ZNF317: variants seen among roughly 807,000 people sequenced by gnomAD.
The protein encoded by ZNF317 is zinc finger protein 317.
In ZNF317, 17 loss-of-function variants were observed where a neutral mutation model predicts 23.4. The observed-to-expected ratio is 0.73, with a 90% CI of 0.50 to 1.09. ZNF317 has a LOEUF of 1.09. Ranked by LOEUF, ZNF317 falls within the 50% of genes least tolerant of loss-of-function variation. The probability of loss-of-function intolerance (pLI) is 0.00; values close to 1 mark genes in which losing one functional copy is unlikely to be tolerated. For missense variants in ZNF317, 679 were observed against 796.7 expected, an observed-to-expected ratio of 0.85 and a Z score of 1.78; for synonymous variants, 317 against 314.9, an observed-to-expected ratio of 1.01 and a Z score of -0.07.
chr19:9,150,118 T>C (rs970539251), intron 1 of ZNF317, among the ~76,000 whole-genome samples: 1 of 152,084 alleles, frequency 6.6e-6, no homozygotes, highest in Non-Finnish European at 1.5e-5. Flanking sequence ...TTGTAGGTGT[T>C]TAATGTGGGA....
chr19:9,156,168 G>T (rs2050780388), intron 2 of ZNF317, 127 bp downstream of exon 2: 11 of 1,243,832 alleles, frequency 8.8e-6, no homozygotes. Flanking sequence ...AAAAGGGGTG[G>T]GAACAGAGCC....
At position 9,161,609 on chromosome 19, in the gene ZNF317, T is replaced by G; in HGVS notation, c.*176T>G. 1.1e-6 allele frequency: 1 copy of G among 915,800 alleles called. No homozygotes were observed. Among genetic ancestry groups the G allele is most frequent in the Non-Finnish European group, 1.6e-6 (1 of 624,974 alleles). The allele number at this position is 915,800 out of a possible 1,614,324, so 56.7% of individuals were successfully genotyped here. On this transcript the variant is annotated 3_prime_UTR_variant, in exon 7 of 7. Coordinates refer to ENST00000247956, the MANE Select transcript of ZNF317 (RefSeq NM_020933.5). This position sits in a 1 kb window ranked among gnomAD's most constrained non-coding sequence, Gnocchi z 4.0. ...AGGCGTTCTCATCCCATAGGAGGTT[T>G]GTGAGAACTCACGCCGGGGGTGAAA...
At position 9,158,812 on chromosome 19, in the gene ZNF317, C is replaced by G. The variant is rs779556125; in HGVS notation, c.386-14C>G. 2 of 1,558,358 alleles carry G rather than the reference C, an allele frequency of 1.3e-6. No homozygotes were observed. Among genetic ancestry groups the G allele is most frequent in the South Asian group, 2.2e-5 (2 of 89,806 alleles). On this transcript the variant is annotated splice_polypyrimidine_tract_variant and intron_variant, in intron 5 of 6. Coordinates refer to ENST00000247956, the MANE Select transcript of ZNF317 (RefSeq NM_020933.5). Reference sequence around the variant, plus strand: ...TCCTTTTCCAACAATTAATACTTTTCCAATTTGTTTCAGATTGGGAGACTC... The same window carrying G: ...TCCTTTTCCAACAATTAATACTTTTGCAATTTGTTTCAGATTGGGAGACTC...
chr19:9,155,891 T>C (rs2050777073), intron 1 of ZNF317, 34 bp from the exon 2 acceptor site: 11 of 1,218,268 alleles, frequency 9.0e-6, no homozygotes, highest in Non-Finnish European at 1.2e-5. Flanking sequence ...CAGATAGCCT[T>C]TCACTACTCC....
In ZNF317 at chr19:9,156,034, C is replaced by A; in HGVS notation, c.18C>A (p.Pro6=). The A allele has an allele frequency of 6.2e-7, 1 of 1,614,150 alleles. No homozygotes were observed. The highest frequency in any genetic ancestry group is 8.5e-7 in the Non-Finnish European group (1 of 1,180,018). The part of the protein sequence containing the change: MAALS[P]TFATSTQDST... Reference sequence around the variant, plus strand: ...CTCTGAGGATGGCAGCTCTGTCCCCCACATTTGGTAAGTTCTTGGGTCAGT... The same window carrying A: ...CTCTGAGGATGGCAGCTCTGTCCCCAACATTTGGTAAGTTCTTGGGTCAGT... Residue 6 remains proline, a synonymous_variant, in exon 2 of 7, where the codon CCC becomes CCA. Transcript: ENST00000247956.
chr19:9,146,429 CTT>C (rs59017993), intron 1 of ZNF317, among the ~76,000 whole-genome samples: 5 of 137,290 alleles, frequency 3.6e-5, no homozygotes, highest in Non-Finnish European at 7.8e-5. Flanking sequence ...TACTTTTTTT[CTT>C]TTTTTTTTTT....
chr19:9,158,034 C>T lies in ZNF317; in HGVS notation c.344C>T (p.Pro115Leu), dbSNP rs776493847. Reference sequence around the variant, plus strand: ...TCACACTTGGAGCAGGAGGAGGAGCCGAGGACAGAGGAGAGGGGCGCTCAC... The same window carrying T: ...TCACACTTGGAGCAGGAGGAGGAGCTGAGGACAGAGGAGAGGGGCGCTCAC... ...LISHLEQEEEPRTEERGAHQG... is the reference protein window; with the variant it reads ...LISHLEQEEELRTEERGAHQG... Residue 115 changes from proline to leucine, a missense_variant, in exon 5 of 7, where the codon CCG (proline) becomes CTG (leucine). Physicochemically the swap from Pro to Leu is moderately conservative, Grantham distance 98. Transcript: ENST00000247956. 10 of 1,551,352 alleles carry T rather than the reference C, an allele frequency of 6.4e-6. No individual in the cohort carries two copies. The highest frequency in any genetic ancestry group is 2.4e-5 in the South Asian group (2 of 84,040).
chr19:9,148,335 A>G (rs961857290), intron 1 of ZNF317, among the ~76,000 whole-genome samples: 11 of 152,204 alleles, frequency 7.2e-5, no homozygotes, highest in African/African-American at 2.4e-4. Context: ...CATCGTTGCA[A>G]AACATCGACA....
At chr19:9,157,169 G>C (rs2050792625) in intron 3 of ZNF317, 99 bp from the exon 4 acceptor site, 1 of 1,473,062 alleles carries the variant, frequency 6.8e-7, no homozygotes, top group Admixed American at 2.0e-5. Context: ...TGGAAATCCT[G>C]TGTTGGGTCT....
intron 1 of ZNF317, among the ~76,000 whole-genome samples, chr19:9,142,061 C>A: frequency 6.6e-6 from 1 of 152,182 alleles, no homozygotes; most frequent in East Asian, 1.9e-4. Context: ...CGGCCTTGGC[C>A]TCCCAAAGTG....
chr19:9,157,472 A>G (rs751831093), intron 4 of ZNF317, 78 bp downstream of exon 4: 80 of 1,578,022 alleles, frequency 5.1e-5, no homozygotes, highest in Non-Finnish European at 5.8e-5. Context: ...TGACCCAGGA[A>G]CTATGCAGCG....
intron 1 of ZNF317, among the ~76,000 whole-genome samples, chr19:9,147,565 C>G (rs2050697006): frequency 6.6e-6 from 1 of 151,816 alleles, no homozygotes; most frequent in Non-Finnish European, 1.5e-5. Flanking sequence ...TCTCAATCTC[C>G]TGACCTCATG....
Position 9,156,701 on chromosome 19 carries a change from T to G in ZNF317, c.115T>G (p.Phe39Val). The G allele has an allele frequency of 6.2e-7, 1 of 1,614,186 alleles. No homozygotes were observed. The highest frequency in any genetic ancestry group is 8.5e-7 in the Non-Finnish European group (1 of 1,180,032). The change falls in exon 3 of 7, where the codon TTC becomes GTC. Residue 39 changes from phenylalanine (F) to valine (V), a missense_variant. Phe to Val is a conservative substitution (Grantham distance 50). Coordinates refer to ENST00000247956, the MANE Select transcript of ZNF317 (RefSeq NM_020933.5). ...DHSCPQNLDL[F>V]VCSGLEPHTP... ...TTCCTGTCCCCAGAATTTGGACCTG[T>G]TCGTGTGCAGTGGTCTGGAGCCTCA...
chr19:9,151,759 G>A (rs769890647), intron 1 of ZNF317, among the ~76,000 whole-genome samples: 3 of 152,046 alleles, frequency 2.0e-5, no homozygotes, highest in African/African-American at 4.8e-5. Flanking sequence ...CTTTGTTGTT[G>A]AGTTTATAAT....
chr19:9,144,025 G>T (rs952893834), intron 1 of ZNF317, among the ~76,000 whole-genome samples: 1 of 128,044 alleles, frequency 7.8e-6, no homozygotes. Context: ...TTTTTGAGAC[G>T]GAGTTTCACT....
At position 9,156,723 on chromosome 19, in the gene ZNF317, C is replaced by G; in HGVS notation, c.137C>G (p.Pro46Arg). 6.2e-7 allele frequency: 1 copy of G among 1,614,102 alleles called. No individual in the cohort carries two copies. The highest frequency in any genetic ancestry group is 8.5e-7 in the Non-Finnish European group (1 of 1,180,012). ...CTGTTCGTGTGCAGTGGTCTGGAGCCTCACACACCCAGTGTTGGTTCCCAG... is the reference window on the plus strand; with the variant it reads ...CTGTTCGTGTGCAGTGGTCTGGAGCGTCACACACCCAGTGTTGGTTCCCAG... ...LDLFVCSGLE[P>R]HTPSVGSQES... is the part of the protein sequence containing the mutation. The change falls in exon 3 of 7, where the codon CCT becomes CGT. Residue 46 changes from proline to arginine, a missense_variant. Physicochemically the swap from Pro to Arg is moderately radical, Grantham distance 103. Coordinates refer to ENST00000247956, the MANE Select transcript of ZNF317 (RefSeq NM_020933.5).
At chr19:9,147,334 T>G (rs998633367) in intron 1 of ZNF317, among the ~76,000 whole-genome samples, 4 of 40,096 alleles carry the variant, frequency 1.0e-4, no homozygotes, top group Middle Eastern at 6.4e-3. Context: ...ACACTGGTTT[T>G]TTTTTTTTTT....
At chr19:9,159,914 G>A (rs1258685791) in intron 6 of ZNF317, among the ~76,000 whole-genome samples, 200 bp from the exon 7 acceptor site, 1 of 152,220 alleles carries the variant, frequency 6.6e-6, no homozygotes, top group Non-Finnish European at 1.5e-5. Flanking sequence ...CACATGTGGA[G>A]CCTTGTGGCC....
At chr19:9,156,088 G>GC in intron 2 of ZNF317, 47 bp downstream of exon 2, 1 of 1,611,890 alleles carries the variant, frequency 6.2e-7, no homozygotes, top group African/African-American at 1.3e-5. Context: ...AGTGCAAGTG[G>GC]CCCCTGCCAC....
Sources: allele counts gnomAD v4.1 joint callset (sites outside exome capture counted in the v4.1 genomes callset), GRCh38; gene constraint gnomAD v4.1.1; non-coding constraint Gnocchi (gnomAD v3.1); transcripts MANE v1.5; gene names NCBI Gene and HGNC (gene_info 2026-07-23, HGNC 2026-07-21).